The following ZNF207 variants were observed in gnomAD, a reference collection of about 807,000 sequenced individuals.
The protein encoded by ZNF207 is zinc finger protein 207, also known as BUB3-interacting and GLEBS motif-containing protein ZNF207.
In ZNF207, 24 loss-of-function variants were observed where a neutral mutation model predicts 60.2. The ratio of observed to expected loss-of-function variants is 0.40; its 90% CI spans 0.29 to 0.56. The LOEUF (loss-of-function observed/expected upper bound fraction) is 0.56. ZNF207 is among the 20% of genes least tolerant of loss of function. The pLI, the probability that ZNF207 is intolerant of heterozygous loss-of-function variation, is 0.49. For synonymous variants in ZNF207, 236 were observed against 194.7 expected (o/e 1.21, Z -1.77); for missense variants, 452 against 636.6 (o/e 0.71, Z 3.12).
intron 7 of ZNF207, among the ~76,000 whole-genome samples, chr17:32,363,528 A>ATTTTTTTTT (rs1192049306): frequency 1.3e-4 from 10 of 79,010 alleles, no homozygotes; most frequent in South Asian, 3.3e-4. Flanking sequence ...AATCCAACAA[A>ATTTTTTTTT]CTTTTTTTTT....
Position 32,369,372 on chromosome 17 carries a change from A to G in ZNF207, c.1242A>G (p.Pro414=), listed in dbSNP as rs572403358. The G allele has an allele frequency of 8.1e-6, 13 of 1,614,168 alleles. No individual in the cohort carries two copies. The highest frequency in any genetic ancestry group is 3.3e-5 in the Admixed American group (2 of 60,014). Residue 414 remains proline, a synonymous_variant, in exon 11 of 12, where the codon CCA becomes CCG. Coordinates refer to ENST00000394670, the MANE Select transcript of ZNF207 (RefSeq NM_001098507.2). ...RPGQAPIGNP[P]VGPIGGMMPP... ...GACAGGCCCCCATCGGTAATCCACC[A>G]GTTGGACCAATTGGAGGTATGATGC...
In ZNF207 at chr17:32,373,331, T is replaced by A; in HGVS notation, c.*3572T>A. On this transcript the variant is annotated 3_prime_UTR_variant, in exon 12 of 12. Transcript: ENST00000394670. Reference sequence around the variant, plus strand: ...CATTGGGATTTTTAAAAAAAAAAATTTTAATGCATGTCTTTTAAATTAATT... The same window carrying A: ...CATTGGGATTTTTAAAAAAAAAAATATTAATGCATGTCTTTTAAATTAATT... The A allele has an allele frequency of 3.1e-6, 2 of 636,580 alleles. No homozygotes were observed. Among genetic ancestry groups the A allele is most frequent in the South Asian group, 1.8e-5 (1 of 56,472 alleles). 39.4% of individuals were successfully genotyped at this position (636,580 alleles called of 1,614,324 possible).
chr17:32,374,548 A>G lies in ZNF207; in HGVS notation c.*4789A>G, dbSNP rs906180220. ...TGCATTCTTAATCACAAACTTACGC[A>G]TTGAATGTTAAGGCTAAAAGGTCAT... On this transcript the variant is annotated 3_prime_UTR_variant, in exon 12 of 12. Coordinates refer to ENST00000394670, the MANE Select transcript of ZNF207 (RefSeq NM_001098507.2). The G allele has an allele frequency of 1.3e-5, 2 of 152,160 alleles. No homozygotes were observed. Among genetic ancestry groups the G allele is most frequent in the Admixed American group, 1.3e-4 (2 of 15,280 alleles). 9.4% of individuals were successfully genotyped at this position (152,160 alleles called of 1,614,324 possible).
chr17:32,370,848 A>G lies in ZNF207; in HGVS notation c.*1089A>G, dbSNP rs1486608524. ...TTGTGCTGTTAATGGGTTATTATATATTATTCTAAGTGTAATGCTGAGAAT... is the reference window on the plus strand; with the variant it reads ...TTGTGCTGTTAATGGGTTATTATATGTTATTCTAAGTGTAATGCTGAGAAT... On this transcript the variant is annotated 3_prime_UTR_variant, in exon 12 of 12. Coordinates refer to ENST00000394670, the MANE Select transcript of ZNF207 (RefSeq NM_001098507.2). The G allele has an allele frequency of 1.3e-5, 2 of 152,186 alleles. No homozygotes were observed. Among genetic ancestry groups the G allele is most frequent in the African/African-American group, 2.4e-5 (1 of 41,450 alleles). 9.4% of individuals were successfully genotyped at this position (152,186 alleles called of 1,614,324 possible).
rs746944466 is a variant in ZNF207, at chr17:32,363,529, C to CTTTTTTTTTTTTTTTTTTT, written c.670+555_670+573dup. Among the ~76,000 whole-genome samples the CTTTTTTTTTTTTTTTTTTT allele has an allele frequency of 1.6e-4, 11 of 69,614 alleles. 3 individuals are homozygous for CTTTTTTTTTTTTTTTTTTT. Among genetic ancestry groups the CTTTTTTTTTTTTTTTTTTT allele is most frequent in the Non-Finnish European group, 2.2e-4 (8 of 35,844 alleles). 45.7% of individuals were successfully genotyped at this position (69,614 alleles called of 152,430 possible). A position where few individuals can be genotyped will look rare whatever the true frequency, so the allele number is the denominator to read the frequency against. On this transcript the variant is annotated intron_variant, in intron 7 of 11. Coordinates refer to ENST00000394670, the MANE Select transcript of ZNF207 (RefSeq NM_001098507.2). ...ACAAGTAATAGAGAAATCCAACAAA[C>CTTTTTTTTTTTTTTTTTTT]TTTTTTTTTTTTTTTTTTTTTTTTT...
At chr17:32,356,504 G>A (rs547380828) in intron 2 of ZNF207, among the ~76,000 whole-genome samples, 4 of 152,210 alleles carry the variant, frequency 2.6e-5, no homozygotes, top group South Asian at 4.1e-4. Flanking sequence ...TGATTTGCAT[G>A]CCCCAGTTTC....
intron 6 of ZNF207, among the ~76,000 whole-genome samples, chr17:32,361,948 T>C (rs1904905405): frequency 6.6e-6 from 1 of 152,188 alleles, no homozygotes; most frequent in Non-Finnish European, 1.5e-5. Flanking sequence ...TTGACCAATT[T>C]ATCATTTTTT....
chr17:32,370,738 A>T lies in ZNF207; in HGVS notation c.*979A>T, dbSNP rs1384150660. Reference sequence around the variant, plus strand: ...CAGACCCATTCATTTCCTTTTGATTATTTTTGAGACTCAGTACTGCATGGA... The same window carrying T: ...CAGACCCATTCATTTCCTTTTGATTTTTTTTGAGACTCAGTACTGCATGGA... On this transcript the variant is annotated 3_prime_UTR_variant, in exon 12 of 12. Transcript: ENST00000394670. 1 of 152,062 alleles carries T rather than the reference A, an allele frequency of 6.6e-6. No homozygotes were observed. 9.4% of individuals were successfully genotyped at this position (152,062 alleles called of 1,614,324 possible). A position where few individuals can be genotyped will look rare whatever the true frequency, so the allele number is the denominator to read the frequency against.
chr17:32,355,303 C>T lies in ZNF207; in HGVS notation c.169-3200C>T, dbSNP rs73984525. Among the ~76,000 whole-genome samples, 408 of 152,262 alleles carry T rather than the reference C, an allele frequency of 2.7e-3. 1 individual carries two copies. Among genetic ancestry groups the T allele is most frequent in the African/African-American group, 9.4e-3 (391 of 41,552 alleles). On this transcript the variant is annotated intron_variant, in intron 2 of 11. Transcript: ENST00000394670. ...ACTCAGGAGGCTGAGGCAGGAGGAT[C>T]GCTTGAGCTGGGGAGGACGAGACTG...
chr17:32,365,862 G>A (rs960852094), intron 8 of ZNF207, among the ~76,000 whole-genome samples: 1 of 151,806 alleles, frequency 6.6e-6, no homozygotes. Flanking sequence ...TAAGACGGTA[G>A]CAAATCATTT....
chr17:32,362,484 A>G (rs1378151361), intron 6 of ZNF207, among the ~76,000 whole-genome samples: 5 of 152,202 alleles, frequency 3.3e-5, no homozygotes, highest in Non-Finnish European at 7.3e-5. Context: ...CTCATTTCAC[A>G]GGGTACATTC....
At position 32,350,334 on chromosome 17, in the gene ZNF207, T is replaced by C; in HGVS notation, c.41+8T>C. The C allele has an allele frequency of 6.2e-7, 1 of 1,614,030 alleles. No individual in the cohort carries two copies. Among genetic ancestry groups the C allele is most frequent in the Non-Finnish European group, 8.5e-7 (1 of 1,180,004 alleles). On this transcript the variant is annotated splice_region_variant and intron_variant, in intron 1 of 11. Transcript: ENST00000394670. ...GCTGAAGCCGTGGTGCTGGTATCCT[T>C]TGTCGGTTTGAAGTCGAGGTCGCGT...
chr17:32,377,491 T>C lies in ZNF207; in HGVS notation c.*7732T>C, dbSNP rs1905716845. Reference sequence around the variant, plus strand: ...TTCAAAGAGAAACAATAGAATTTGCTTCTCAGTACATGTTTTTAAAATTGA... The same window carrying C: ...TTCAAAGAGAAACAATAGAATTTGCCTCTCAGTACATGTTTTTAAAATTGA... On this transcript the variant is annotated 3_prime_UTR_variant, in exon 12 of 12. Coordinates refer to ENST00000394670, the MANE Select transcript of ZNF207 (RefSeq NM_001098507.2). 6.6e-6 allele frequency: 1 copy of C among 152,004 alleles called. No homozygotes were observed. Among genetic ancestry groups the C allele is most frequent in the Non-Finnish European group, 1.5e-5 (1 of 67,876 alleles). The allele number at this position is 152,004 out of a possible 1,614,324, so 9.4% of individuals were successfully genotyped here.
chr17:32,366,842 C>T, intron 9 of ZNF207, 85 bp downstream of exon 9: 1 of 1,214,480 alleles, frequency 8.2e-7, no homozygotes, highest in South Asian at 1.7e-5. Context: ...GAATATTTTT[C>T]CAAAAATATA....
In ZNF207 at chr17:32,365,317, T is replaced by G; in HGVS notation, c.671-13T>G. Reference sequence around the variant, plus strand: ...TCAGTGACTCAATTTCCCCAAACATTTCTTCTCTGCAGGTATGCCCCCACC... The same window carrying G: ...TCAGTGACTCAATTTCCCCAAACATGTCTTCTCTGCAGGTATGCCCCCACC... On this transcript the variant is annotated splice_polypyrimidine_tract_variant and intron_variant, in intron 7 of 11. Coordinates refer to ENST00000394670, the MANE Select transcript of ZNF207 (RefSeq NM_001098507.2). 6.2e-7 allele frequency: 1 copy of G among 1,600,052 alleles called. No homozygotes were observed.
chr17:32,354,922 T>C (rs1904420280), intron 2 of ZNF207, among the ~76,000 whole-genome samples: 1 of 152,202 alleles, frequency 6.6e-6, no homozygotes, highest in African/African-American at 2.4e-5. Flanking sequence ...CCTGTAAGAC[T>C]TTTTAAAAGG....
intron 2 of ZNF207, among the ~76,000 whole-genome samples, chr17:32,357,626 C>T (rs1054758037): frequency 7.9e-5 from 12 of 151,442 alleles, no homozygotes; most frequent in Non-Finnish European, 1.3e-4. Context: ...GGATTACAGG[C>T]GTGAGCCGCC....
In ZNF207 at chr17:32,367,904, A is replaced by G; in HGVS notation, c.1054A>G (p.Thr352Ala). The change falls in exon 10 of 12, where the codon ACA becomes GCA. Residue 352 changes from threonine (T) to alanine (A), a missense_variant. Around this residue, in one of 2 missense-constraint regions of ZNF207, gnomAD observed 390 missense variants for 461.4 expected, o/e 0.85. Transcript: ENST00000394670. ...GTCTACAGCTTCAACAACTAGTACA[A>G]CAAATAGTACTGCAGCTAAACCAGC... ...TQSTASTTST[T>A]NSTAAKPAAS... The G allele has an allele frequency of 1.2e-6, 2 of 1,614,188 alleles. No homozygotes were observed. The highest frequency in any genetic ancestry group is 1.7e-4 in the Middle Eastern group (1 of 6,060).
intron 6 of ZNF207, 114 bp from the exon 7 acceptor site, chr17:32,362,800 A>G: frequency 1.5e-6 from 1 of 684,866 alleles, no homozygotes. Flanking sequence ...TTTCAGTATT[A>G]GAGGTCAGAT....
Sources: gnomAD v4.1 joint callset for allele counts (sites outside exome capture counted in the v4.1 genomes callset) on GRCh38, gnomAD v4.1.1 for gene constraint, gnomAD v4.1.1 regional missense constraint, MANE v1.5 for transcripts, NCBI Gene and HGNC (gene_info 2026-07-23, HGNC 2026-07-21) for gene names.